The following NCOR2 variants were observed in gnomAD, a reference collection of about 807,000 sequenced individuals.
NCOR2 encodes the protein nuclear receptor corepressor 2.
A neutral mutation model predicts 262.9 loss-of-function variants in NCOR2; 81 were observed. That is an observed-to-expected ratio of 0.31 (90% confidence interval 0.26 to 0.37). The LOEUF (loss-of-function observed/expected upper bound fraction) is 0.37. Among genes scored for constraint, NCOR2 ranks in the 10% least tolerant of loss-of-function variants. The pLI is 1.00. For synonymous variants in NCOR2, 1,659 were observed against 1,559.3 expected (o/e 1.06, Z -1.51); for missense variants, 3,385 against 3,621.4 (o/e 0.93, Z 1.68).
At chr12:124,452,199 G>T (rs2045588841) in intron 6 of NCOR2, among the ~76,000 whole-genome samples, 1 of 152,250 alleles carries the variant, frequency 6.6e-6, no homozygotes, top group African/African-American at 2.4e-5. Flanking sequence ...CTTCCCAGTG[G>T]AGGGAAGGGG....
intron 13 of NCOR2, among the ~76,000 whole-genome samples, chr12:124,406,648 C>T (rs1341156873): frequency 6.6e-6 from 1 of 152,180 alleles, no homozygotes; most frequent in Admixed American, 6.5e-5. Context: ...GTCAGGCTGA[C>T]AGTGGGTTTG....
In NCOR2 at chr12:124,347,608, G is replaced by C. The variant is rs2037044911; in HGVS notation, c.4072+217C>G. Reference sequence around the variant, plus strand: ...CTATGTGACACCTAAAAGCACAGGGGTGATCGGTGGTATTTTGCTTTTTGT... The same window carrying C: ...CTATGTGACACCTAAAAGCACAGGGCTGATCGGTGGTATTTTGCTTTTTGT... On this transcript the variant is annotated intron_variant, in intron 30 of 46. Transcript: ENST00000405201. The C allele has an allele frequency of 5.2e-6, 3 of 573,364 alleles. No homozygotes were observed. In the East Asian group the frequency reaches 8.5e-5, roughly 16 times the overall value. 35.5% of individuals were successfully genotyped at this position (573,364 alleles called of 1,614,324 possible). A position where few individuals can be genotyped will look rare whatever the true frequency, so the allele number is the denominator to read the frequency against.
At chr12:124,452,434 A>G (rs1439955095) in intron 6 of NCOR2, among the ~76,000 whole-genome samples, 3 of 152,194 alleles carry the variant, frequency 2.0e-5, no homozygotes, top group Non-Finnish European at 4.4e-5. Flanking sequence ...ACTAGCTGTG[A>G]GCTTGGACAA....
intron 1 of NCOR2, among the ~76,000 whole-genome samples, chr12:124,510,447 C>T (rs1426398641): frequency 6.6e-6 from 1 of 152,244 alleles, no homozygotes; most frequent in African/African-American, 2.4e-5. Context: ...GTGGCACCAA[C>T]TCCTTCCTCA....
At position 124,327,370 on chromosome 12, in the gene NCOR2, TG is replaced by T. The variant is rs1398924792; in HGVS notation, c.7183+38del. The T allele has an allele frequency of 2.6e-6, 3 of 1,150,098 alleles. No individual in the cohort carries two copies. The South Asian group carries it at 4.2e-5, about 16-fold the overall frequency. The allele number at this position is 1,150,098 out of a possible 1,614,324, so 71.2% of individuals were successfully genotyped here. ...GAGCGAGGATTAATCACACCGGGGG[TG>T]GGGACAGACGGGGGCGGGGCGGGGG... On this transcript the variant is annotated intron_variant, in intron 45 of 46. Coordinates refer to ENST00000405201, the Ensembl canonical transcript of NCOR2.
chr12:124,483,111 T>C lies in NCOR2; in HGVS notation c.411+485A>G, dbSNP rs1232548021. On this transcript the variant is annotated intron_variant, in intron 3 of 46. Coordinates refer to ENST00000405201, the Ensembl canonical transcript of NCOR2. This position sits in a 1 kb window ranked among gnomAD's most constrained non-coding sequence, Gnocchi z 6.3. ...TCAAGGCCCAGGGGGCTGCCTGCTG[T>C]GCAGGGCTCGAGGCAGGGGTCACTG... Among the ~76,000 whole-genome samples, 2 of 152,054 alleles carry C rather than the reference T, an allele frequency of 1.3e-5. No homozygotes were observed. The highest frequency in any genetic ancestry group is 2.9e-5 in the Non-Finnish European group (2 of 67,982).
At chr12:124,490,264 C>T (rs894678826) in intron 1 of NCOR2, among the ~76,000 whole-genome samples, 6 of 152,214 alleles carry the variant, frequency 3.9e-5, no homozygotes, top group African/African-American at 1.4e-4. Flanking sequence ...CCAACCTCAG[C>T]CCTTCCCCTC....
chr12:124,551,320 C>T (rs2051706853), intron 1 of NCOR2, among the ~76,000 whole-genome samples: 1 of 152,186 alleles, frequency 6.6e-6, no homozygotes, highest in Non-Finnish European at 1.5e-5. Flanking sequence ...ACAAAACTAG[C>T]AGTCATACGG....
rs1247841583 is a variant in NCOR2 at position 124,523,758 on chromosome 12, C to T, written c.-118+11807G>A. On this transcript the variant is annotated intron_variant, in intron 1 of 46. Coordinates refer to the NCOR2 transcript ENST00000404621. This position sits in a 1 kb window ranked among gnomAD's most constrained non-coding sequence, Gnocchi z 4.0. ...TGGACAAGCTTGCCTTACAACAATC[C>T]TATGGGGTGCTGTCATACCCATTCC... Among the ~76,000 whole-genome samples the T allele has an allele frequency of 2.6e-5, 4 of 152,210 alleles. No individual in the cohort carries two copies. The highest frequency in any genetic ancestry group is 4.4e-5 in the Non-Finnish European group (3 of 68,042).
rs934336364 is a variant in NCOR2 at position 124,504,090 on chromosome 12, C to T, written c.-117-8722G>A. On this transcript the variant is annotated intron_variant, in intron 1 of 46. Coordinates refer to the NCOR2 transcript ENST00000404621. This position sits in a 1 kb window ranked among gnomAD's most constrained non-coding sequence, Gnocchi z 4.5. ...GGAGGGTCTCAACTCTCCCGAGTCC[C>T]CCACCTGGCACCACTTCTCCCTTTT... Among the ~76,000 whole-genome samples the T allele has an allele frequency of 5.3e-5, 8 of 152,232 alleles. No homozygotes were observed. The highest frequency in any genetic ancestry group is 1.0e-4 in the Non-Finnish European group (7 of 68,044).
chr12:124,431,095 A>G (rs2043888860), intron 8 of NCOR2, among the ~76,000 whole-genome samples: 1 of 146,776 alleles, frequency 6.8e-6, no homozygotes, highest in Non-Finnish European at 1.5e-5. Context: ...AGGCACACAC[A>G]TACAGTCAGA....
intron 25 of NCOR2, 41 bp from the exon 28 acceptor site, chr12:124,354,623 C>A: frequency 2.0e-6 from 3 of 1,470,750 alleles, no homozygotes; most frequent in South Asian, 1.4e-5. Flanking sequence ...GCTGCCGGAG[C>A]AGGGTCCCGG....
At chr12:124,361,992 G>C (rs2038625984) in intron 22 of NCOR2, 134 bp downstream of exon 24, 3 of 802,480 alleles carry the variant, frequency 3.7e-6, no homozygotes. Context: ...CTGCTCAACT[G>C]TTCCATTCGT....
upstream of NCOR2, among the ~76,000 whole-genome samples, chr12:124,540,036 AC>A (rs1344264707): frequency 1.3e-5 from 2 of 151,694 alleles, no homozygotes; most frequent in African/African-American, 2.4e-5. Context: ...GAGGGGACAG[AC>A]CCCCTGTTAC....
intron 15 of NCOR2, 141 bp from the exon 18 acceptor site, chr12:124,398,322 G>C: frequency 1.2e-6 from 1 of 857,388 alleles, no homozygotes; most frequent in Non-Finnish European, 1.8e-6. Flanking sequence ...CCGTGGGAAG[G>C]CCACATTTCA....
In NCOR2 at chr12:124,417,050, A is replaced by G. The variant is rs1425124965; in HGVS notation, c.1482+2907T>C. Among the ~76,000 whole-genome samples the G allele has an allele frequency of 6.4e-3, 357 of 55,420 alleles. 7 individuals are homozygous for G. The East Asian group carries it at 0.11, about 17-fold the overall frequency. 36.4% of individuals were successfully genotyped at this position (55,420 alleles called of 152,430 possible). ...AGCCGGACACTCACTCCTGAGAGCA[A>G]GCCGGACACTCACTCCACGGAGAGC... is the stretch of plus-strand genomic sequence containing the variant. On this transcript the variant is annotated intron_variant, in intron 13 of 46. Coordinates refer to ENST00000405201, the Ensembl canonical transcript of NCOR2.
Position 124,519,512 on chromosome 12 carries a change from G to T in NCOR2, c.-118+16053C>A, listed in dbSNP as rs76981897. ...TGAAGGTCTGGAGGCTGGACCACGC[G>T]GGTGTGTTGTCAAAGCAGAGAGAAG... On this transcript the variant is annotated intron_variant, in intron 1 of 46. Coordinates refer to the NCOR2 transcript ENST00000404621. Among the ~76,000 whole-genome samples the T allele has an allele frequency of 0.013, 1,999 of 152,260 alleles. 131 individuals are homozygous for T. The East Asian group carries it at 0.19, about 15-fold the overall frequency.
intron 1 of NCOR2, among the ~76,000 whole-genome samples, chr12:124,543,071 TCTCCCTCCC>T (rs1415126452): frequency 6.6e-6 from 1 of 152,036 alleles, no homozygotes; most frequent in East Asian, 1.9e-4. Context: ...TCACAGCCTC[TCTCCCTCCC>T]ATCCCTCCTC....
At chr12:124,441,013 C>T (rs2044771567) in intron 7 of NCOR2, among the ~76,000 whole-genome samples, 2 of 152,158 alleles carry the variant, frequency 1.3e-5, no homozygotes, top group Admixed American at 1.3e-4. Context: ...GCAAGACTGG[C>T]AGGGCCAGTC....
Sources: gnomAD v4.1 joint callset for allele counts (sites outside exome capture counted in the v4.1 genomes callset) on GRCh38, gnomAD v4.1.1 for gene constraint, Gnocchi (gnomAD v3.1) non-coding constraint, MANE v1.5 for transcripts, NCBI Gene and HGNC (gene_info 2026-07-23, HGNC 2026-07-21) for gene names.